CYBRD1: variants seen among roughly 807,000 people sequenced by gnomAD.
CYBRD1 encodes the protein plasma membrane ascorbate-dependent reductase CYBRD1.
CYBRD1 carries 14 observed loss-of-function variants against 21.9 expected under a neutral mutation model. That is an observed-to-expected ratio of 0.64 (90% confidence interval 0.42 to 1.00). CYBRD1 has a LOEUF of 1.00. Ranked by LOEUF, CYBRD1 falls within the 50% of genes least tolerant of loss-of-function variation. The pLI, the probability that CYBRD1 is intolerant of heterozygous loss-of-function variation, is 0.00. For missense variants in CYBRD1, 328 were observed against 352.5 expected (o/e 0.93, Z 0.56); for synonymous variants, 146 against 136.5 (o/e 1.07, Z -0.48).
chr2:171,542,385 C>T (rs1374337112), intron 2 of CYBRD1, among the ~76,000 whole-genome samples: 2 of 152,052 alleles, frequency 1.3e-5, no homozygotes, highest in African/African-American at 2.4e-5. Context: ...CATGCTGGCT[C>T]ATGCCTATAA....
chr2:171,537,923 A>G (rs1392370937), intron 1 of CYBRD1, among the ~76,000 whole-genome samples: 1 of 152,202 alleles, frequency 6.6e-6, no homozygotes, highest in Non-Finnish European at 1.5e-5. Context: ...ATCACTATAC[A>G]TTGTATGTTT....
intron 2 of CYBRD1, among the ~76,000 whole-genome samples, chr2:171,544,055 C>T (rs1451844285): frequency 6.6e-6 from 1 of 152,130 alleles, no homozygotes; most frequent in African/African-American, 2.4e-5. Context: ...TTATGAGTTC[C>T]CATATCCTTA....
intron 1 of CYBRD1, among the ~76,000 whole-genome samples, chr2:171,530,885 A>G (rs1016763486): frequency 6.6e-6 from 1 of 152,168 alleles, no homozygotes; most frequent in African/African-American, 2.4e-5. Context: ...CCTTTTTAAG[A>G]AAGATAGAGG....
chr2:171,550,863 AAT>A (rs34765726), intron 2 of CYBRD1: 39,796 of 154,396 alleles, frequency 0.26, 5,317 homozygotes, highest in South Asian at 0.39. Context: ...AGGAATGAGA[AAT>A]ATATGTTTCT....
rs1683488833 is a variant in CYBRD1, at chr2:171,556,370, A to T, written c.*1543A>T. On this transcript the variant is annotated 3_prime_UTR_variant, in exon 4 of 4. Coordinates refer to ENST00000321348, the MANE Select transcript of CYBRD1 (RefSeq NM_024843.4). Reference sequence around the variant, plus strand: ...AATTGAGACTTGGAGGTGACTTTTCATGTTTGGAGTATCATCTCTGTCTGG... The same window carrying T: ...AATTGAGACTTGGAGGTGACTTTTCTTGTTTGGAGTATCATCTCTGTCTGG... 1 of 152,142 alleles carries T rather than the reference A, an allele frequency of 6.6e-6. No individual in the cohort carries two copies. The highest frequency in any genetic ancestry group is 2.1e-4 in the South Asian group (1 of 4,824). 9.4% of individuals were successfully genotyped at this position (152,142 alleles called of 1,614,324 possible).
chr2:171,551,099 G>A (rs2105346432), intron 2 of CYBRD1: 1 of 183,112 alleles, frequency 5.5e-6, no homozygotes, highest in Non-Finnish European at 1.1e-5. Context: ...TGGGACCACA[G>A]ACGTGCACCA....
intron 1 of CYBRD1, among the ~76,000 whole-genome samples, chr2:171,527,735 C>G (rs1697405848): frequency 1.3e-5 from 2 of 152,144 alleles, no homozygotes; most frequent in South Asian, 2.1e-4. Context: ...TGGCTTATTT[C>G]CAACATGTTA....
At chr2:171,524,409 C>G (rs1317336633) in intron 1 of CYBRD1, among the ~76,000 whole-genome samples, 5 of 152,356 alleles carry the variant, frequency 3.3e-5, no homozygotes, top group African/African-American at 9.6e-5. Context: ...CCAGTCTCCT[C>G]TTCTACCCAA....
chr2:171,547,160 G>A (rs185962111), intron 2 of CYBRD1, among the ~76,000 whole-genome samples: 3 of 152,250 alleles, frequency 2.0e-5, no homozygotes, highest in Admixed American at 1.3e-4. Context: ...TTGGAGGGGA[G>A]GAGAGGGCTG....
rs578251335 is a variant in CYBRD1 at position 171,557,939 on chromosome 2, A to G, written c.*3112A>G. 6.6e-6 allele frequency: 1 copy of G among 152,324 alleles called. No homozygotes were observed. The highest frequency in any genetic ancestry group is 6.5e-5 in the Admixed American group (1 of 15,294). The allele number at this position is 152,324 out of a possible 1,614,324, so 9.4% of individuals were successfully genotyped here. A position where few individuals can be genotyped will look rare whatever the true frequency, so the allele number is the denominator to read the frequency against. On this transcript the variant is annotated 3_prime_UTR_variant, in exon 4 of 4. Coordinates refer to ENST00000321348, the MANE Select transcript of CYBRD1 (RefSeq NM_024843.4). ...CTATGTCTTTAGGAAAATGTAGAAG[A>G]AAGAACATTATTGTTCTTTAATTCC...
chr2:171,529,607 G>A (rs916136684), intron 1 of CYBRD1, among the ~76,000 whole-genome samples: 1 of 149,696 alleles, frequency 6.7e-6, no homozygotes, highest in Admixed American at 6.6e-5. Context: ...TCAGAAGGAT[G>A]TAGGACAGAA....
intron 1 of CYBRD1, among the ~76,000 whole-genome samples, chr2:171,531,850 T>G (rs1227615213): frequency 1.3e-5 from 2 of 152,206 alleles, no homozygotes. Context: ...TTTCTGAATA[T>G]TTTTAAATGT....
chr2:171,548,809 C>A (rs894852493), intron 2 of CYBRD1, among the ~76,000 whole-genome samples: 5 of 149,718 alleles, frequency 3.3e-5, no homozygotes, highest in Admixed American at 1.3e-4. Context: ...AGAAAAAAAA[C>A]CAACCTCAGG....
chr2:171,556,828 T>C lies in CYBRD1; in HGVS notation c.*2001T>C, dbSNP rs895620952. 1.3e-5 allele frequency: 2 copies of C among 152,194 alleles called. No individual in the cohort carries two copies. Among genetic ancestry groups the C allele is most frequent in the Admixed American group, 1.3e-4 (2 of 15,256 alleles). The allele number at this position is 152,194 out of a possible 1,614,324, so 9.4% of individuals were successfully genotyped here. On this transcript the variant is annotated 3_prime_UTR_variant, in exon 4 of 4. Coordinates refer to ENST00000321348, the MANE Select transcript of CYBRD1 (RefSeq NM_024843.4). ...TGGTGCCATAGAAGGAGTAGTTGCA[T>C]AGTCACACATCATTTGATAAGTTGG... is the stretch of plus-strand genomic sequence containing the variant.
chr2:171,525,458 C>G, intron 1 of CYBRD1, among the ~76,000 whole-genome samples: 1 of 152,148 alleles, frequency 6.6e-6, no homozygotes, highest in East Asian at 1.9e-4. Context: ...CATTCCTCAC[C>G]CTAAGTATTA....
chr2:171,522,425 C>A, upstream of CYBRD1: 1 of 1,513,752 alleles, frequency 6.6e-7, no homozygotes, highest in Non-Finnish European at 8.8e-7. This position sits in a 1 kb window ranked among gnomAD's most constrained non-coding sequence, Gnocchi z 4.3. Flanking sequence ...AGTCCCTCCC[C>A]GCAGGCGGAG....
In CYBRD1 at chr2:171,555,849, C is replaced by T. The variant is rs1486372231; in HGVS notation, c.*1022C>T. 6.6e-6 allele frequency: 1 copy of T among 152,202 alleles called. No homozygotes were observed. The highest frequency in any genetic ancestry group is 2.4e-5 in the African/African-American group (1 of 41,434). 9.4% of individuals were successfully genotyped at this position (152,202 alleles called of 1,614,324 possible). On this transcript the variant is annotated 3_prime_UTR_variant, in exon 4 of 4. Coordinates refer to ENST00000321348, the MANE Select transcript of CYBRD1 (RefSeq NM_024843.4). ...CGGCTCATACATGGTGGGACTGAGA[C>T]TCAGATGCAGGCAGTCTGGCACCTC...
chr2:171,523,520 C>T (rs529054948), intron 1 of CYBRD1, among the ~76,000 whole-genome samples: 1 of 152,328 alleles, frequency 6.6e-6, no homozygotes, highest in South Asian at 2.1e-4. Flanking sequence ...CTATTGGGCA[C>T]TGGCCCAGCA....
At chr2:171,531,896 T>A (rs1697472555) in intron 1 of CYBRD1, among the ~76,000 whole-genome samples, 1 of 152,212 alleles carries the variant, frequency 6.6e-6, no homozygotes, top group African/African-American at 2.4e-5. Context: ...TTTTTCTACA[T>A]GTATTTGGTA....
Sources: allele counts gnomAD v4.1 joint callset (sites outside exome capture counted in the v4.1 genomes callset), GRCh38; gene constraint gnomAD v4.1.1; non-coding constraint Gnocchi (gnomAD v3.1); transcripts MANE v1.5; gene names NCBI Gene and HGNC (gene_info 2026-07-23, HGNC 2026-07-21).